SYAP1: variants seen among roughly 807,000 people sequenced by gnomAD.
The protein encoded by SYAP1 is synapse associated protein 1, also known as synapse-associated protein 1.
SYAP1 carries 3 observed loss-of-function variants against 29.6 expected under a neutral mutation model. The observed-to-expected ratio is 0.10, with a 90% CI of 0.05 to 0.26. The LOEUF is 0.26. Among genes scored for constraint, SYAP1 ranks in the 10% least tolerant of loss-of-function variants. SYAP1 has a pLI of 1.00. For synonymous variants in SYAP1, 102 were observed against 102.7 expected (o/e 0.99, Z 0.04); for missense variants, 217 against 264.1 (o/e 0.82, Z 1.24).
chrX:16,735,551 T>C (rs1252324480), intron 2 of SYAP1, among the ~76,000 whole-genome samples: 2 of 112,652 alleles, frequency 1.8e-5, no homozygotes, highest in East Asian at 5.5e-4. Flanking sequence ...AATAGCTGTT[T>C]TTATTTTAAT....
chrX:16,734,642 A>T (rs1926283518), intron 1 of SYAP1, among the ~76,000 whole-genome samples: 1 of 110,833 alleles, frequency 9.0e-6, no homozygotes, highest in African/African-American at 3.3e-5. Context: ...TTAGAACCAG[A>T]GACTTGAGCA....
At chrX:16,746,997 T>C (rs768814074) in intron 5 of SYAP1, among the ~76,000 whole-genome samples, 7 of 112,232 alleles carry the variant, frequency 6.2e-5, no homozygotes, top group South Asian at 3.7e-4. Context: ...AGAGACAGGA[T>C]CTCTGGAATG....
intron 8 of SYAP1, among the ~76,000 whole-genome samples, chrX:16,757,633 G>C: frequency 9.0e-6 from 1 of 111,020 alleles, no homozygotes; most frequent in Non-Finnish European, 1.9e-5. Flanking sequence ...TGAGGCAGGA[G>C]AATGGCATGA....
At chrX:16,733,057 GACCC>G (rs1394567696) in intron 1 of SYAP1, among the ~76,000 whole-genome samples, 2 of 111,854 alleles carry the variant, frequency 1.8e-5, no homozygotes, top group Admixed American at 9.5e-5. Context: ...TTTAAGTGGA[GACCC>G]ACAGCATATG....
intron 5 of SYAP1, among the ~76,000 whole-genome samples, chrX:16,750,376 C>A (rs1356030085): frequency 9.0e-6 from 1 of 111,500 alleles, no homozygotes; most frequent in African/African-American, 3.3e-5. Context: ...GTTGTGTGGC[C>A]ACATGAGTTT....
chrX:16,733,822 T>G (rs941352407), intron 1 of SYAP1, among the ~76,000 whole-genome samples: 1 of 110,174 alleles, frequency 9.1e-6, no homozygotes, highest in Non-Finnish European at 1.9e-5. Flanking sequence ...CACGCCACCA[T>G]GCCCAGCTAA....
chrX:16,744,847 T>A (rs943927827), intron 5 of SYAP1, among the ~76,000 whole-genome samples: 1 of 111,703 alleles, frequency 9.0e-6, no homozygotes, highest in Non-Finnish European at 1.9e-5. Flanking sequence ...GCACCTTTAG[T>A]CCTAGCTACT....
chrX:16,760,342 C>T lies in SYAP1; in HGVS notation c.1042C>T (p.Leu348Phe). ...ENWDKEIEKM[L>F]QEEN ...CTGGGATAAGGAAATAGAGAAAATG[C>T]TTCAAGAGGAAAATTAGCTGTTCCT... Residue 348 changes from leucine to phenylalanine, a missense_variant, in exon 9 of 9, where the codon CTT (leucine) becomes TTT (phenylalanine). Transcript: ENST00000380155. The T allele has an allele frequency of 8.4e-7, 1 of 1,193,269 alleles. No individual in the cohort carries two copies. The highest frequency in any genetic ancestry group is 1.1e-6 in the Non-Finnish European group (1 of 888,568).
At chrX:16,728,596 C>T (rs931111193) in intron 1 of SYAP1, among the ~76,000 whole-genome samples, 4 of 109,347 alleles carry the variant, frequency 3.7e-5, no homozygotes, top group African/African-American at 6.7e-5. Flanking sequence ...ACCCGGGAGG[C>T]GGAGTTTGCA....
chrX:16,720,034 G>C (rs1925926022), intron 1 of SYAP1, 135 bp downstream of exon 1: 1 of 626,473 alleles, frequency 1.6e-6, no homozygotes, highest in African/African-American at 2.3e-5. Flanking sequence ...TGTGTCTGTC[G>C]GTCAGTCCTC....
At chrX:16,757,415 A>ATCAAAATTGATTTGTATCAAAATC in intron 8 of SYAP1, 106 bp downstream of exon 8, 1 of 922,666 alleles carries the variant, frequency 1.1e-6, no homozygotes, top group Non-Finnish European at 1.5e-6. Context: ...AATGTGTTGT[A>ATCAAAATTGATTTGTATCAAAATC]AATTTTGCAT....
chrX:16,734,051 A>G (rs985596185), intron 1 of SYAP1, among the ~76,000 whole-genome samples: 36 of 111,183 alleles, frequency 3.2e-4, no homozygotes, highest in African/African-American at 1.1e-3. Flanking sequence ...TTCCACTTTT[A>G]ATCTTGTTCT....
intron 3 of SYAP1, 41 bp downstream of exon 3, chrX:16,736,273 T>C (rs912318130): frequency 1.1e-6 from 1 of 936,597 alleles, no homozygotes; most frequent in Non-Finnish European, 1.5e-6. Flanking sequence ...CCAGGTTTTA[T>C]TGAGCACCTG....
In SYAP1 at chrX:16,722,098, A is replaced by G. The variant is rs763548947; in HGVS notation, c.175+2199A>G. Among the ~76,000 whole-genome samples the G allele has an allele frequency of 1.2e-4, 13 of 112,502 alleles. No individual in the cohort carries two copies. In the East Asian group the frequency reaches 2.2e-3, roughly 19 times the overall value. On this transcript the variant is annotated intron_variant, in intron 1 of 8. Transcript: ENST00000380155. ...TGTGAGAGACAAGAGAGATGATCAG[A>G]TATTTTTTATTTCTACATATTGATC...
At position 16,764,181 on chromosome X, in the gene SYAP1, G is replaced by A. The variant is rs1927045313; in HGVS notation, c.*3822G>A. ...TGAGCCACTGCGCCCAACCTTAATG[G>A]CTTTTTGGTATTAAAAACCAGGACT... On this transcript the variant is annotated 3_prime_UTR_variant, in exon 9 of 9. Transcript: ENST00000380155. The A allele has an allele frequency of 9.2e-6, 1 of 108,562 alleles. No individual in the cohort carries two copies. The highest frequency in any genetic ancestry group is 3.3e-5 in the African/African-American group (1 of 29,935). The allele number at this position is 108,562 out of a possible 1,213,427, so 8.9% of individuals were successfully genotyped here.
At position 16,764,677 on chromosome X, in the gene SYAP1, A is replaced by C. The variant is rs1927059764; in HGVS notation, c.*4318A>C. On this transcript the variant is annotated 3_prime_UTR_variant, in exon 9 of 9. Coordinates refer to ENST00000380155, the MANE Select transcript of SYAP1 (RefSeq NM_032796.4). The stretch of plus-strand genomic sequence containing the variant: ...ATGCCCAGCCAGTTTTTCAACTTTT[A>C]AAAATAAAAGTGGTAGAATTTTTTT... The C allele has an allele frequency of 9.1e-6, 1 of 109,678 alleles. No individual in the cohort carries two copies. The highest frequency in any genetic ancestry group is 3.9e-4 in the South Asian group (1 of 2,597). The allele number at this position is 109,678 out of a possible 1,213,427, so 9.0% of individuals were successfully genotyped here.
At chrX:16,729,684 A>G (rs753046869) in intron 1 of SYAP1, among the ~76,000 whole-genome samples, 3 of 110,143 alleles carry the variant, frequency 2.7e-5, no homozygotes, top group South Asian at 3.9e-4. Context: ...GGGTTTCACA[A>G]TGTTGGCCAG....
intron 1 of SYAP1, among the ~76,000 whole-genome samples, chrX:16,726,894 G>A (rs1266152070): frequency 9.0e-6 from 1 of 111,518 alleles, no homozygotes; most frequent in East Asian, 2.8e-4. Flanking sequence ...AGTTTAAGTT[G>A]TCTAGTCTTC....
chrX:16,757,604 T>C (rs756470650), intron 8 of SYAP1, among the ~76,000 whole-genome samples: 5 of 110,641 alleles, frequency 4.5e-5, no homozygotes, highest in African/African-American at 1.6e-4. Flanking sequence ...GTGCCTGTAG[T>C]CCCAGCTATT....
Sources: gnomAD v4.1 joint callset for allele counts (sites outside exome capture counted in the v4.1 genomes callset) on GRCh38, gnomAD v4.1.1 for gene constraint, MANE v1.5 for transcripts, NCBI Gene and HGNC (gene_info 2026-07-23, HGNC 2026-07-21) for gene names.